RBM28: variants seen among roughly 807,000 people sequenced by gnomAD.
RBM28 encodes RNA binding motif protein 28, also known as RNA-binding protein 28.
In RBM28, 78 loss-of-function variants were observed where a neutral mutation model predicts 98.3. The ratio of observed to expected loss-of-function variants is 0.79; its 90% confidence interval spans 0.66 to 0.96. The LOEUF (loss-of-function observed/expected upper bound fraction) is 0.96, where lower values mean the gene tolerates loss of function less well. Among genes scored for constraint, RBM28 ranks in the 40% least tolerant of loss-of-function variants. The probability of loss-of-function intolerance (pLI) is 0.00; values close to 1 mark genes in which losing one functional copy is unlikely to be tolerated. For missense variants in RBM28, 838 were observed against 913.0 expected (o/e 0.92, Z 1.06); for synonymous variants, 306 against 330.9 (o/e 0.92, Z 0.82).
intron 14 of RBM28, among the ~76,000 whole-genome samples, chr7:128,321,034 C>T (rs1796220391): frequency 1.3e-5 from 2 of 152,182 alleles, no homozygotes; most frequent in Admixed American, 6.5e-5. Flanking sequence ...GGCGTGGTGG[C>T]GCACGCCTAT....
chr7:128,314,202 T>C (rs1796055665), intron 17 of RBM28, among the ~76,000 whole-genome samples: 1 of 152,142 alleles, frequency 6.6e-6, no homozygotes, highest in Non-Finnish European at 1.5e-5. Flanking sequence ...GACCTCGTGA[T>C]CCACCCGCCT....
At chr7:128,330,022 A>G (rs1176433317) in intron 10 of RBM28, among the ~76,000 whole-genome samples, 1 of 152,160 alleles carries the variant, frequency 6.6e-6, no homozygotes, top group East Asian at 1.9e-4. Flanking sequence ...AGAATGGTCA[A>G]TGCTTAAAAC....
In RBM28 at chr7:128,339,115, C is replaced by T. The variant is rs1335516542; in HGVS notation, c.372+112G>A. On this transcript the variant is annotated intron_variant, in intron 3 of 18. Transcript: ENST00000223073. ...AATTCAACAGGGGTAAGGTTGATTC[C>T]CAGAAGGAATTAAGCCCAATTATAC... The T allele has an allele frequency of 2.9e-6, 3 of 1,025,588 alleles. No homozygotes were observed. In the African/African-American group the frequency reaches 4.7e-5, roughly 16 times the overall value. The allele number at this position is 1,025,588 out of a possible 1,614,324, so 63.5% of individuals were successfully genotyped here.
rs984038848 is a variant in RBM28 at position 128,302,651 on chromosome 7, T to C, written c.*8146A>G. ...ACCTATTAGTATGTATATGAGTACA[T>C]TTGGCTTGTGGTAGATCAGGAGAGA... is the stretch of plus-strand genomic sequence containing the variant. On this transcript the variant is annotated 3_prime_UTR_variant, in exon 19 of 19. Transcript: ENST00000223073. 1.3e-5 allele frequency: 2 copies of C among 152,222 alleles called. No homozygotes were observed. The highest frequency in any genetic ancestry group is 4.8e-5 in the African/African-American group (2 of 41,458). The allele number at this position is 152,222 out of a possible 1,614,324, so 9.4% of individuals were successfully genotyped here.
chr7:128,320,406 T>TA (rs1183275186), intron 14 of RBM28, among the ~76,000 whole-genome samples: 1,283 of 92,926 alleles, frequency 0.014, 22 homozygotes, highest in African/African-American at 0.057. Context: ...AGACCACATC[T>TA]AAAAAAAAAA....
chr7:128,333,969 A>G (rs995078441), intron 8 of RBM28, among the ~76,000 whole-genome samples: 12 of 152,260 alleles, frequency 7.9e-5, no homozygotes, highest in Non-Finnish European at 2.9e-5. Flanking sequence ...GGAAACTTTG[A>G]GGAAAAAACA....
At position 128,343,908 on chromosome 7, in the gene RBM28, T is replaced by C; in HGVS notation, c.-115A>G. 3.0e-6 allele frequency: 2 copies of C among 658,838 alleles called. No homozygotes were observed. Among genetic ancestry groups the C allele is most frequent in the Non-Finnish European group, 5.0e-6 (2 of 403,286 alleles). The allele number at this position is 658,838 out of a possible 1,614,324, so 40.8% of individuals were successfully genotyped here. On this transcript the variant is annotated 5_prime_UTR_variant, in exon 1 of 19. Coordinates refer to ENST00000223073, the MANE Select transcript of RBM28 (RefSeq NM_018077.3). ...CTCACACGCCGAGAGATTCCGGAAG[T>C]GCTCGTTGCCCAAAAGAGACCGGAG...
chr7:128,343,124 C>T (rs1019665120), intron 1 of RBM28, among the ~76,000 whole-genome samples: 1 of 152,186 alleles, frequency 6.6e-6, no homozygotes, highest in Non-Finnish European at 1.5e-5. Context: ...GCTGCATCCC[C>T]AGGACCTACA....
intron 14 of RBM28, 61 bp downstream of exon 14, chr7:128,321,205 A>C: frequency 6.2e-7 from 1 of 1,603,456 alleles, no homozygotes; most frequent in Non-Finnish European, 8.5e-7. Context: ...GCCTGAGGGA[A>C]ATGCTTGATC....
Position 128,338,248 on chromosome 7 carries a change from A to G in RBM28, c.541+2T>C. ...TCAATGATATGGGTATAGAAAGCTT[A>G]CCTTTTATCTCTTTCATGTTCATGC... is the stretch of plus-strand genomic sequence containing the variant. On this transcript the variant is annotated splice_donor_variant, in intron 5 of 18. Coordinates refer to ENST00000223073, the MANE Select transcript of RBM28 (RefSeq NM_018077.3). LOFTEE classifies it high-confidence loss of function. The G allele has an allele frequency of 6.2e-7, 1 of 1,612,000 alleles. No homozygotes were observed. The highest frequency in any genetic ancestry group is 8.5e-7 in the Non-Finnish European group (1 of 1,178,054).
chr7:128,315,134 C>G, intron 16 of RBM28, 114 bp from the exon 17 acceptor site: 1 of 1,472,962 alleles, frequency 6.8e-7, no homozygotes. Context: ...ATTCTTCCCC[C>G]ACACAATTGG....
chr7:128,336,626 T>C (rs1032971039), intron 6 of RBM28, among the ~76,000 whole-genome samples: 1 of 152,296 alleles, frequency 6.6e-6, no homozygotes, highest in South Asian at 2.1e-4. Context: ...CACCAAATGG[T>C]ACAATATGAA....
At position 128,339,739 on chromosome 7, in the gene RBM28, A is replaced by G. The variant is rs1418082746; in HGVS notation, c.171T>C (p.Asp57=). 6.2e-7 allele frequency: 1 copy of G among 1,613,978 alleles called. No homozygotes were observed. Residue 57 remains aspartate, a synonymous_variant, in exon 2 of 19, where the codon GAT becomes GAC. Transcript: ENST00000223073. The part of the protein sequence containing the change: ...FGYVTFSMLE[D]VQRALKEITT... ...TAATCTCCTTGAGGGCCCTCTGAAC[A>G]TCTTCCAGCATTGAAAAAGTGACAT...
At chr7:128,331,549 T>G (rs1796481040) in intron 9 of RBM28, among the ~76,000 whole-genome samples, 1 of 152,196 alleles carries the variant, frequency 6.6e-6, no homozygotes, top group African/African-American at 2.4e-5. Flanking sequence ...TCAAATTATC[T>G]CTCTTAATTA....
At chr7:128,316,805 T>C (rs1328818730) in intron 16 of RBM28, among the ~76,000 whole-genome samples, 3 of 152,196 alleles carry the variant, frequency 2.0e-5, no homozygotes, top group Non-Finnish European at 4.4e-5. Context: ...GGGAACAAAG[T>C]TGCCTTGAAC....
Position 128,343,843 on chromosome 7 carries a change from G to T in RBM28, c.-50C>A. 1 of 1,361,106 alleles carries T rather than the reference G, an allele frequency of 7.3e-7. No individual in the cohort carries two copies. The highest frequency in any genetic ancestry group is 1.0e-6 in the Non-Finnish European group (1 of 997,552). 84.3% of individuals were successfully genotyped at this position (1,361,106 alleles called of 1,614,324 possible). A position where few individuals can be genotyped will look rare whatever the true frequency, so the allele number is the denominator to read the frequency against. On this transcript the variant is annotated 5_prime_UTR_variant, in exon 1 of 19. Coordinates refer to ENST00000223073, the MANE Select transcript of RBM28 (RefSeq NM_018077.3). Reference sequence around the variant, plus strand: ...GAGGACGCGAGCAAACTAGGCCGGCGCACGCGAGCCGAAACGCTGGCTTTG... The same window carrying T: ...GAGGACGCGAGCAAACTAGGCCGGCTCACGCGAGCCGAAACGCTGGCTTTG...
chr7:128,340,759 T>C (rs1796707542), intron 1 of RBM28, among the ~76,000 whole-genome samples: 1 of 152,218 alleles, frequency 6.6e-6, no homozygotes, highest in African/African-American at 2.4e-5. Context: ...CGATATCAAA[T>C]TAAACCTTTC....
Position 128,321,708 on chromosome 7 carries a change from C to T in RBM28, c.1405-284G>A, listed in dbSNP as rs567528587. 8.5e-5 allele frequency among the ~76,000 whole-genome samples: 13 copies of T among 152,154 alleles called. 1 individual carries two copies. Among genetic ancestry groups the T allele is most frequent in the Admixed American group, 3.9e-4 (6 of 15,288 alleles). On this transcript the variant is annotated intron_variant, in intron 13 of 18. Transcript: ENST00000223073. The stretch of plus-strand genomic sequence containing the variant: ...AAGCCACAATTTTTCATCTATAAAA[C>T]GAAACAGTAGATCAAGGTCTCTGAG...
In RBM28 at chr7:128,343,687, A is replaced by C; in HGVS notation, c.107T>G (p.Val36Gly). The C allele has an allele frequency of 6.2e-7, 1 of 1,603,950 alleles. No homozygotes were observed. The highest frequency in any genetic ancestry group is 8.5e-7 in the Non-Finnish European group (1 of 1,174,532). The change falls in exon 1 of 19, where the codon GTG becomes GGG. Residue 36 changes from valine to glycine, a missense_variant. Transcript: ENST00000223073. ...CGCCCCGCCCCTACCTTTTTCAGTC[A>C]CCACGAAGCACTGCTTCACCGGCCC... ...QVGPVKQCFV[V>G]TEKGSKACRG...
Sources: gnomAD v4.1 joint callset for allele counts (sites outside exome capture counted in the v4.1 genomes callset) on GRCh38, gnomAD v4.1.1 for gene constraint, MANE v1.5 for transcripts, NCBI Gene and HGNC (gene_info 2026-07-23, HGNC 2026-07-21) for gene names.